ATP2A3: variants seen among roughly 807,000 people sequenced by gnomAD.
ATP2A3 encodes the protein sarcoplasmic/endoplasmic reticulum calcium ATPase 3.
A neutral mutation model predicts 106.8 loss-of-function variants in ATP2A3; 61 were observed. The ratio of observed to expected loss-of-function variants is 0.57; its 90% CI spans 0.46 to 0.71. ATP2A3 has a LOEUF of 0.71. ATP2A3 is among the 30% of genes least tolerant of loss of function. ATP2A3 has a pLI of 0.00. For synonymous variants in ATP2A3, 611 were observed against 609.3 expected, an observed-to-expected ratio of 1.00 and a Z score of -0.04; for missense variants, 1,201 against 1,423.5, an observed-to-expected ratio of 0.84 and a Z score of 2.52.
chr17:3,963,925 G>A (rs1383638699), intron 1 of ATP2A3, among the ~76,000 whole-genome samples: 1 of 152,090 alleles, frequency 6.6e-6, no homozygotes, highest in Non-Finnish European at 1.5e-5. Context: ...GGAAGTCCGG[G>A]AGGACCGCGC....
At chr17:3,946,509 C>T (rs1463342162) in intron 8 of ATP2A3, among the ~76,000 whole-genome samples, 1 of 152,040 alleles carries the variant, frequency 6.6e-6, no homozygotes, top group Admixed American at 6.6e-5. Flanking sequence ...GAGCTCAGAT[C>T]ATGCCACTGC....
At chr17:3,927,993 C>T in intron 20 of ATP2A3, 2 of 1,614,082 alleles carry the variant, frequency 1.2e-6, no homozygotes, top group Non-Finnish European at 1.7e-6. Context: ...CTGCTTCCTC[C>T]CTCTCTGAGC....
rs1197317495 is a variant in ATP2A3, at chr17:3,930,606, G to C, written c.2611-172C>G. On this transcript the variant is annotated intron_variant, in intron 17 of 20. Transcript: ENST00000397041. This position sits in a 1 kb window ranked among gnomAD's most constrained non-coding sequence, Gnocchi z 5.4. Reference sequence around the variant, plus strand: ...GGAGGGGTGCGGGGTCGGGGCGGCGGTGGGGAGAGCTGCACCGTGCCAGGG... The same window carrying C: ...GGAGGGGTGCGGGGTCGGGGCGGCGCTGGGGAGAGCTGCACCGTGCCAGGG... 1.2e-5 allele frequency: 10 copies of C among 846,590 alleles called. No individual in the cohort carries two copies. The highest frequency in any genetic ancestry group is 1.9e-5 in the Non-Finnish European group (10 of 536,384). 52.4% of individuals were successfully genotyped at this position (846,590 alleles called of 1,614,324 possible).
At position 3,953,590 on chromosome 17, in the gene ATP2A3, C is replaced by A; in HGVS notation, c.136+103G>T. Reference sequence around the variant, plus strand: ...CTCAGGTGGGTGATCCTGGGGAGCTCAGCAAGGCCTCACTCAGCGGGGAGA... The same window carrying A: ...CTCAGGTGGGTGATCCTGGGGAGCTAAGCAAGGCCTCACTCAGCGGGGAGA... On this transcript the variant is annotated intron_variant, in intron 2 of 20. Transcript: ENST00000397041. This position sits in a 1 kb window ranked among gnomAD's most constrained non-coding sequence, Gnocchi z 5.1. The A allele has an allele frequency of 1.3e-6, 2 of 1,519,756 alleles. No homozygotes were observed. Among genetic ancestry groups the A allele is most frequent in the Non-Finnish European group, 1.8e-6 (2 of 1,116,128 alleles). 94.1% of individuals were successfully genotyped at this position (1,519,756 alleles called of 1,614,324 possible).
chr17:3,963,742 A>G (rs1346967966), intron 1 of ATP2A3, among the ~76,000 whole-genome samples: 1 of 152,150 alleles, frequency 6.6e-6, no homozygotes, highest in Non-Finnish European at 1.5e-5. Context: ...CCCTCAGGGG[A>G]GACCCTGGGG....
In ATP2A3 at chr17:3,924,615, A is replaced by C; in HGVS notation, c.*807T>G. On this transcript the variant is annotated 3_prime_UTR_variant, in exon 21 of 21. Coordinates refer to ENST00000397041, the MANE Select transcript of ATP2A3 (RefSeq NM_005173.4). This position sits in a 1 kb window ranked among gnomAD's most constrained non-coding sequence, Gnocchi z 6.4. ...GGCAAGTTGGACCTCTGCGTGGCAGACCGGGCGGCAGTGTGACTCTGAACA... is the reference window on the plus strand; with the variant it reads ...GGCAAGTTGGACCTCTGCGTGGCAGCCCGGGCGGCAGTGTGACTCTGAACA... 1 of 368,034 alleles carries C rather than the reference A, an allele frequency of 2.7e-6. No homozygotes were observed. 22.8% of individuals were successfully genotyped at this position (368,034 alleles called of 1,614,324 possible). A position where few individuals can be genotyped will look rare whatever the true frequency, so the allele number is the denominator to read the frequency against.
At chr17:3,927,800 T>C (rs1347474262) in intron 20 of ATP2A3, 1 of 985,198 alleles carries the variant, frequency 1.0e-6, no homozygotes, top group Non-Finnish European at 1.2e-6. Flanking sequence ...GACAGACGCG[T>C]GATCTATTTA....
rs1270061834 is a variant in ATP2A3 at position 3,958,801 on chromosome 17, TAC to T, written c.119-5093_119-5092del. ...ACACACATATATATACACATATATATACACACATATATATATACACACATATA... is the reference window on the plus strand; with the variant it reads ...ACACACATATATATACACATATATATACACATATATATATACACACATATA... On this transcript the variant is annotated intron_variant, in intron 1 of 20. Transcript: ENST00000397041. Among the ~76,000 whole-genome samples the T allele has an allele frequency of 4.4e-4, 47 of 107,638 alleles. 2 individuals carry two copies. Among genetic ancestry groups the T allele is most frequent in the African/African-American group, 1.1e-3 (31 of 28,102 alleles). The allele number at this position is 107,638 out of a possible 152,430, so 70.6% of individuals were successfully genotyped here.
intron 17 of ATP2A3, among the ~76,000 whole-genome samples, chr17:3,931,753 C>T (rs919060090): frequency 9.2e-5 from 14 of 152,208 alleles, no homozygotes; most frequent in African/African-American, 3.1e-4. Flanking sequence ...GAACTCCTGA[C>T]CTCGTGATCC....
intron 3 of ATP2A3, among the ~76,000 whole-genome samples, chr17:3,952,406 A>G (rs2054501917): frequency 6.6e-6 from 1 of 152,182 alleles, no homozygotes; most frequent in Admixed American, 6.5e-5. Context: ...TCCAAAGCCC[A>G]TTAGCCAGGG....
Position 3,928,716 on chromosome 17 carries a change from G to C in ATP2A3, c.2927C>G (p.Pro976Arg). The change falls in exon 20 of 21, where the codon CCT becomes CGT. Residue 976 changes from proline to arginine, a missense_variant. Pro to Arg is a moderately radical substitution (Grantham distance 103). Transcript: ENST00000397041. This position sits in a 1 kb window ranked among gnomAD's most constrained non-coding sequence, Gnocchi z 6.1. Reference protein sequence around the residue: ...QWVVVLQISLPVILLDEALKY... With the variant: ...QWVVVLQISLRVILLDEALKY... ...GAGGGCCTCATCCAGCAGGATGACAGGCAGAGATATCTGGAGCACCACCAC... is the reference window on the plus strand; with the variant it reads ...GAGGGCCTCATCCAGCAGGATGACACGCAGAGATATCTGGAGCACCACCAC... 1 of 1,551,586 alleles carries C rather than the reference G, an allele frequency of 6.4e-7. No homozygotes were observed. The highest frequency in any genetic ancestry group is 8.7e-7 in the Non-Finnish European group (1 of 1,147,262).
chr17:3,963,435 C>T (rs1241288939), intron 1 of ATP2A3, among the ~76,000 whole-genome samples: 1 of 152,256 alleles, frequency 6.6e-6, no homozygotes, highest in Non-Finnish European at 1.5e-5. Flanking sequence ...CCCGGTGGCA[C>T]TCAATGTGCC....
intron 6 of ATP2A3, 40 bp from the exon 7 acceptor site, chr17:3,950,636 C>T (rs375016817): frequency 1.9e-6 from 3 of 1,613,756 alleles, no homozygotes; most frequent in Non-Finnish European, 2.5e-6. Flanking sequence ...CACATGAAGA[C>T]ACGCCCATCC....
chr17:3,928,793 G>A lies in ATP2A3; in HGVS notation c.2863-13C>T. 5.2e-6 allele frequency: 8 copies of A among 1,549,072 alleles called. No homozygotes were observed. Among genetic ancestry groups the A allele is most frequent in the Non-Finnish European group, 7.0e-6 (8 of 1,144,292 alleles). ...CCTGGAAAATGAGCTGGCGGGGAGG[G>A]GAAGGGAGGTTTGGTTAAAGGAAGG... is the stretch of plus-strand genomic sequence containing the variant. On this transcript the variant is annotated splice_polypyrimidine_tract_variant and intron_variant, in intron 19 of 20. Coordinates refer to ENST00000397041, the MANE Select transcript of ATP2A3 (RefSeq NM_005173.4). This position sits in a 1 kb window ranked among gnomAD's most constrained non-coding sequence, Gnocchi z 6.1.
In ATP2A3 at chr17:3,951,353, C is replaced by T; in HGVS notation, c.361G>A (p.Glu121Lys). Residue 121 changes from glutamate to lysine, a missense_variant, in exon 5 of 21, where the codon GAG (glutamate) becomes AAG (lysine). Physicochemically the swap from Glu to Lys is moderately conservative, Grantham distance 56. Coordinates refer to ENST00000397041, the MANE Select transcript of ATP2A3 (RefSeq NM_005173.4). ...ACCTTGCCCATCTCAGGCTCATACT[C>T]CTTCAGGGCCTCGATGGCACTCTCG... Reference protein sequence around the residue: ...NAESAIEALKEYEPEMGKVIR... With the variant: ...NAESAIEALKKYEPEMGKVIR... 6.2e-7 allele frequency: 1 copy of T among 1,613,826 alleles called. No individual in the cohort carries two copies. The highest frequency in any genetic ancestry group is 8.5e-7 in the Non-Finnish European group (1 of 1,180,018).
intron 11 of ATP2A3, 60 bp from the exon 12 acceptor site, chr17:3,942,791 CCCA>C: frequency 6.2e-7 from 1 of 1,601,810 alleles, no homozygotes; most frequent in Non-Finnish European, 8.5e-7. Flanking sequence ...CGCCTGCCTT[CCCA>C]CCAACTGCTT....
chr17:3,939,611 A>T (rs953727270), intron 14 of ATP2A3, among the ~76,000 whole-genome samples: 1 of 151,296 alleles, frequency 6.6e-6, no homozygotes, highest in Non-Finnish European at 1.5e-5. Context: ...ATGTGGTGAA[A>T]CCCCGTCTCT....
chr17:3,941,621 AGCTAC>A lies in ATP2A3; in HGVS notation c.1574_1578del (p.Cys525PhefsTer80), dbSNP rs1420396050. 1 of 1,610,516 alleles carries A rather than the reference AGCTAC, an allele frequency of 6.2e-7. No individual in the cohort carries two copies. On this transcript the variant is annotated frameshift_variant, in exon 13 of 21. Transcript: ENST00000397041. LOFTEE classifies it high-confidence loss of function. Reference sequence around the variant, plus strand: ...GCTGTGCGGCTCCCCACGCGGACTGAGCTACAGCGCTCGATCACACTCTCAGGAGC... The same window carrying A: ...GCTGTGCGGCTCCCCACGCGGACTGAAGCGCTCGATCACACTCTCAGGAGC...
In ATP2A3 at chr17:3,953,591, A is replaced by C; in HGVS notation, c.136+102T>G. On this transcript the variant is annotated intron_variant, in intron 2 of 20. Transcript: ENST00000397041. The surrounding 1 kb of genome is among the most constrained non-coding windows in gnomAD (Gnocchi z 5.1). Reference sequence around the variant, plus strand: ...TCAGGTGGGTGATCCTGGGGAGCTCAGCAAGGCCTCACTCAGCGGGGAGAA... The same window carrying C: ...TCAGGTGGGTGATCCTGGGGAGCTCCGCAAGGCCTCACTCAGCGGGGAGAA... The C allele has an allele frequency of 6.6e-7, 1 of 1,524,360 alleles. No individual in the cohort carries two copies. Among genetic ancestry groups the C allele is most frequent in the African/African-American group, 1.4e-5 (1 of 72,506 alleles). 94.4% of individuals were successfully genotyped at this position (1,524,360 alleles called of 1,614,324 possible).
Sources: allele counts gnomAD v4.1 joint callset (sites outside exome capture counted in the v4.1 genomes callset), GRCh38; gene constraint gnomAD v4.1.1; non-coding constraint Gnocchi (gnomAD v3.1); transcripts MANE v1.5; gene names NCBI Gene and HGNC (gene_info 2026-07-23, HGNC 2026-07-21).